The following ALDH16A1 variants were observed in gnomAD, a reference collection of about 807,000 sequenced individuals.
The protein encoded by ALDH16A1 is aldehyde dehydrogenase 16 family member A1, also known as aldehyde dehydrogenase family 16 member A1.
Under a neutral mutation model 96.1 loss-of-function variants are expected in ALDH16A1, and 88 were observed. The observed-to-expected ratio is 0.92, with a 90% CI of 0.77 to 1.09. The LOEUF is 1.09. ALDH16A1 is among the 50% of genes least tolerant of loss of function. The pLI is 0.00. For missense variants in ALDH16A1, 1,250 were observed against 1,112.6 expected (o/e 1.12, Z -1.76); for synonymous variants, 522 against 496.4 (o/e 1.05, Z -0.69).
Position 49,463,896 on chromosome 19 carries a change from C to T in ALDH16A1, c.1141C>T (p.Pro381Ser). Residue 381 changes from proline (P) to serine (S), a missense_variant, in exon 9 of 17, where the codon CCC becomes TCC. Coordinates refer to ENST00000293350, the MANE Select transcript of ALDH16A1 (RefSeq NM_153329.4). ...GDVPSERPFY[P>S]PTLVSNLPPA... is the part of the protein sequence containing the mutation. ...TGTGCCTTCGGAACGCCCATTCTAT[C>T]CCCCAACCTTGGTCTCCAACCTGCC... 2.5e-6 allele frequency: 4 copies of T among 1,613,458 alleles called. No individual in the cohort carries two copies. Among genetic ancestry groups the T allele is most frequent in the Non-Finnish European group, 3.4e-6 (4 of 1,179,600 alleles).
Position 49,459,177 on chromosome 19 carries a change from C to A in ALDH16A1, c.320+91C>A. The A allele has an allele frequency of 6.6e-7, 1 of 1,521,964 alleles. No individual in the cohort carries two copies. The allele number at this position is 1,521,964 out of a possible 1,614,324, so 94.3% of individuals were successfully genotyped here. On this transcript the variant is annotated intron_variant, in intron 3 of 16. Transcript: ENST00000293350. This position sits in a 1 kb window ranked among gnomAD's most constrained non-coding sequence, Gnocchi z 4.1. ...ACAAAGGCTATTTCCCAAGATCCCA[C>A]TGAATTAATTTGCAGCTAAGGCTCA...
chr19:49,459,744 G>C lies in ALDH16A1; in HGVS notation c.395G>C (p.Arg132Pro). ...TCCCTGGTGACTGGGCGGGCTGTTCGAGAGGTTCGAGACGGGGACGTCCAG... is the reference window on the plus strand; with the variant it reads ...TCCCTGGTGACTGGGCGGGCTGTTCCAGAGGTTCGAGACGGGGACGTCCAG... ...LESLVTGRAV[R>P]EVRDGDVQLA... The change falls in exon 4 of 17, where the codon CGA becomes CCA. Residue 132 changes from arginine to proline, a missense_variant. Transcript: ENST00000293350. This position sits in a 1 kb window ranked among gnomAD's most constrained non-coding sequence, Gnocchi z 4.1. 1.2e-6 allele frequency: 2 copies of C among 1,613,740 alleles called. No homozygotes were observed. The highest frequency in any genetic ancestry group is 1.1e-5 in the South Asian group (1 of 91,072).
rs756559773 is a variant in ALDH16A1 at position 49,459,746 on chromosome 19, G to A, written c.397G>A (p.Glu133Lys). 19 of 1,613,682 alleles carry A rather than the reference G, an allele frequency of 1.2e-5. No individual in the cohort carries two copies. The highest frequency in any genetic ancestry group is 1.6e-5 in the Non-Finnish European group (19 of 1,179,954). Residue 133 changes from glutamate to lysine, a missense_variant, in exon 4 of 17, where the codon GAG becomes AAG. Physicochemically the swap from Glu to Lys is moderately conservative, Grantham distance 56 (BLOSUM62 1). Transcript: ENST00000293350. The surrounding 1 kb of genome is among the most constrained non-coding windows in gnomAD (Gnocchi z 4.1). ...CCTGGTGACTGGGCGGGCTGTTCGAGAGGTTCGAGACGGGGACGTCCAGCT... is the reference window on the plus strand; with the variant it reads ...CCTGGTGACTGGGCGGGCTGTTCGAAAGGTTCGAGACGGGGACGTCCAGCT... ...ESLVTGRAVR[E>K]VRDGDVQLAQ...
chr19:49,464,519 A>C lies in ALDH16A1; in HGVS notation c.1434A>C (p.Pro478=). Residue 478 remains proline (P), a synonymous_variant, in exon 11 of 17, where the codon CCA becomes CCC. Transcript: ENST00000293350. ...GTGGGTGTTCCTGGCACGGGGGCCC[A>C]GACGTGAGTACATCCCCTCCCCGTC... ...KESGCSWHGG[P]DGLYEYLRPS... The C allele has an allele frequency of 6.2e-7, 1 of 1,613,820 alleles. No homozygotes were observed. The highest frequency in any genetic ancestry group is 8.5e-7 in the Non-Finnish European group (1 of 1,179,926).
Position 49,468,781 on chromosome 19 carries a change from C to G in ALDH16A1, c.2125-83C>G, listed in dbSNP as rs2079221032. On this transcript the variant is annotated intron_variant, in intron 15 of 16. Transcript: ENST00000293350. This position sits in a 1 kb window ranked among gnomAD's most constrained non-coding sequence, Gnocchi z 4.4. ...CTCCTCCATGACCCCCCATCCCCTT[C>G]CCTCCCATGGGCACCCCCTGAATGC... The G allele has an allele frequency of 6.7e-7, 1 of 1,501,710 alleles. No homozygotes were observed. The highest frequency in any genetic ancestry group is 1.4e-5 in the African/African-American group (1 of 72,600). 93.0% of individuals were successfully genotyped at this position (1,501,710 alleles called of 1,614,324 possible).
intron 1 of ALDH16A1, among the ~76,000 whole-genome samples, chr19:49,457,391 C>CA (rs1244108789): frequency 6.6e-6 from 1 of 150,696 alleles, no homozygotes; most frequent in Admixed American, 6.6e-5. Flanking sequence ...ACTAAAAATA[C>CA]AAAAAAATTA....
rs2079237252 is a variant in ALDH16A1 at position 49,470,530 on chromosome 19, C to G, written c.*63C>G. Reference sequence around the variant, plus strand: ...ACCAAGGGGAGATGCACCCCACAGACACCTGGGACTTTCCCCTTCTGGTTC... The same window carrying G: ...ACCAAGGGGAGATGCACCCCACAGAGACCTGGGACTTTCCCCTTCTGGTTC... On this transcript the variant is annotated 3_prime_UTR_variant, in exon 17 of 17. Transcript: ENST00000293350. The G allele has an allele frequency of 7.0e-7, 1 of 1,418,912 alleles. No homozygotes were observed. Among genetic ancestry groups the G allele is most frequent in the Non-Finnish European group, 9.2e-7 (1 of 1,082,706 alleles). The allele number at this position is 1,418,912 out of a possible 1,614,324, so 87.9% of individuals were successfully genotyped here.
rs748594854 is a variant in ALDH16A1 at position 49,460,887 on chromosome 19, G to T, written c.565G>T (p.Ala189Ser). The T allele has an allele frequency of 6.2e-7, 1 of 1,613,500 alleles. No individual in the cohort carries two copies. The highest frequency in any genetic ancestry group is 1.1e-5 in the South Asian group (1 of 91,056). ...TGAGATGATGTGGAGGATTTGCCCTGCCCTGGCTGTGGGTAAATGATGGCC... is the reference window on the plus strand; with the variant it reads ...TGAGATGATGTGGAGGATTTGCCCTTCCCTGGCTGTGGGTAAATGATGGCC... ...FLEMMWRICP[A>S]LAVGCTVVAL... Residue 189 changes from alanine (A) to serine (S), a missense_variant, in exon 5 of 17, where the codon GCC (alanine) becomes TCC (serine). Physicochemically the swap from Ala to Ser is moderately conservative, Grantham distance 99 (BLOSUM62 1). Coordinates refer to ENST00000293350, the MANE Select transcript of ALDH16A1 (RefSeq NM_153329.4).
rs767612604 is a variant in ALDH16A1, at chr19:49,462,668, T to C, written c.1011T>C (p.Asp337=). The C allele has an allele frequency of 1.2e-6, 2 of 1,610,984 alleles. No individual in the cohort carries two copies. Among genetic ancestry groups the C allele is most frequent in the South Asian group, 2.2e-5 (2 of 90,928 alleles). ...MGRLRSGRGL[D]GAVDMGARGA... is the part of the protein sequence containing the mutation. ...GGCTTCGGAGTGGCCGAGGGCTGGATGGGGCCGTGGACATGGGGGCCCGGG... is the reference window on the plus strand; with the variant it reads ...GGCTTCGGAGTGGCCGAGGGCTGGACGGGGCCGTGGACATGGGGGCCCGGG... The change falls in exon 8 of 17, where the codon GAT becomes GAC. Residue 337 remains aspartate (D), a synonymous_variant. Coordinates refer to ENST00000293350, the MANE Select transcript of ALDH16A1 (RefSeq NM_153329.4).
Position 49,461,663 on chromosome 19 carries a change from C to G in ALDH16A1, c.622C>G (p.Leu208Val), listed in dbSNP as rs1167854225. Residue 208 changes from leucine (L) to valine (V), a missense_variant, in exon 6 of 17, where the codon CTC (leucine) becomes GTC (valine). Physicochemically the swap from Leu to Val is conservative, Grantham distance 32 (BLOSUM62 1). Transcript: ENST00000293350. Reference protein sequence around the residue: ...ALVPPASPAPLLLAQLAGELG... With the variant: ...ALVPPASPAPVLLAQLAGELG... ...CGTGCCCCCGGCCTCCCCGGCGCCC[C>G]TCCTCCTGGCCCAGCTGGCGGGGGA... The G allele has an allele frequency of 6.2e-7, 1 of 1,606,546 alleles. No homozygotes were observed. Among genetic ancestry groups the G allele is most frequent in the South Asian group, 1.1e-5 (1 of 90,162 alleles).
Position 49,458,524 on chromosome 19 carries a change from T to C in ALDH16A1, c.129T>C (p.Tyr43=), listed in dbSNP as rs1020219265. 12 of 1,567,506 alleles carry C rather than the reference T, an allele frequency of 7.7e-6. No homozygotes were observed. Among genetic ancestry groups the C allele is most frequent in the East Asian group, 7.0e-5 (3 of 43,038 alleles). The change falls in exon 2 of 17, where the codon TAT becomes TAC. Residue 43 remains tyrosine (Y), a synonymous_variant. Coordinates refer to ENST00000293350, the MANE Select transcript of ALDH16A1 (RefSeq NM_153329.4). Reference sequence around the variant, plus strand: ...CCCAGGACCGGTGCTTGGGCCACTATGTGAATGGGAAGTGGTTAAAGCCTG... The same window carrying C: ...CCCAGGACCGGTGCTTGGGCCACTACGTGAATGGGAAGTGGTTAAAGCCTG... ...LDTQDRCLGH[Y]VNGKWLKPEH...
At chr19:49,456,559 C>G (rs2079105743) in intron 1 of ALDH16A1, among the ~76,000 whole-genome samples, 1 of 152,080 alleles carries the variant, frequency 6.6e-6, no homozygotes, top group African/African-American at 2.4e-5. Context: ...AAATTTTTTA[C>G]TTTTATTTTT....
Position 49,464,665 on chromosome 19 carries a change from C to T in ALDH16A1, c.1471C>T (p.Pro491Ser). The T allele has an allele frequency of 1.2e-6, 2 of 1,614,200 alleles. No homozygotes were observed. The highest frequency in any genetic ancestry group is 1.3e-5 in the African/African-American group (1 of 75,050). The change falls in exon 12 of 17, where the codon CCT (proline) becomes TCT (serine). Residue 491 changes from proline to serine, a missense_variant. Physicochemically the swap from Pro to Ser is moderately conservative, Grantham distance 74. Transcript: ENST00000293350. ...TGAGTATCTGCGGCCCTCAGGGACCCCTGCCCGGCTGTCCTGCCTCTCCAA... is the reference window on the plus strand; with the variant it reads ...TGAGTATCTGCGGCCCTCAGGGACCTCTGCCCGGCTGTCCTGCCTCTCCAA... ...LYEYLRPSGT[P>S]ARLSCLSKNL...
intron 6 of ALDH16A1, 36 bp downstream of exon 6, chr19:49,461,836 T>G (rs1488579667): frequency 5.0e-6 from 8 of 1,601,930 alleles, no homozygotes; most frequent in Non-Finnish European, 6.8e-6. Flanking sequence ...GGAACGCGGC[T>G]GGGGGCCGCA....
At position 49,469,156 on chromosome 19, in the gene ALDH16A1, G is replaced by A. The variant is rs982567896; in HGVS notation, c.2247+170G>A. The A allele has an allele frequency of 4.9e-5, 48 of 975,446 alleles. No individual in the cohort carries two copies. The African/African-American group carries it at 6.8e-4, about 14-fold the overall frequency. The allele number at this position is 975,446 out of a possible 1,614,324, so 60.4% of individuals were successfully genotyped here. The stretch of plus-strand genomic sequence containing the variant: ...TAGGACTCAAGTTACTAAGGAAGAG[G>A]CTGTCCTTAGCAACAGGGGCCTGAG... On this transcript the variant is annotated intron_variant, in intron 16 of 16. Coordinates refer to ENST00000293350, the MANE Select transcript of ALDH16A1 (RefSeq NM_153329.4).
chr19:49,470,437 CAA>C lies in ALDH16A1; in HGVS notation c.2380_2381del (p.Lys794GlyfsTer44), dbSNP rs763052136. 2 of 1,603,268 alleles carry C rather than the reference CAA, an allele frequency of 1.2e-6. No individual in the cohort carries two copies. Among genetic ancestry groups the C allele is most frequent in the Non-Finnish European group, 1.7e-6 (2 of 1,175,670 alleles). ...AGCTGGGGCTGCGAGTGGCGCGGAC[CAA>C]GGCCCTGTGGCTGCCTATGGGGGAC... ...PELGLRVART[K>X]ALWLPMGD On this transcript the variant is annotated frameshift_variant, in exon 17 of 17. Transcript: ENST00000293350. LOFTEE classifies it high-confidence loss of function.
At chr19:49,454,958 A>T (rs1190574134) in intron 1 of ALDH16A1, among the ~76,000 whole-genome samples, 1 of 151,776 alleles carries the variant, frequency 6.6e-6, no homozygotes, top group Non-Finnish European at 1.5e-5. Flanking sequence ...ATCTCTACTA[A>T]AATACAAAAA....
chr19:49,468,685 C>G lies in ALDH16A1; in HGVS notation c.2124+119C>G. ...ACCCTCCGTGGTACCCATGCTGCCC[C>G]CAGCCCCAGCACCCAAACCTTCACT... On this transcript the variant is annotated intron_variant, in intron 15 of 16. Coordinates refer to ENST00000293350, the MANE Select transcript of ALDH16A1 (RefSeq NM_153329.4). The surrounding 1 kb of genome is among the most constrained non-coding windows in gnomAD (Gnocchi z 4.4). The G allele has an allele frequency of 7.1e-7, 1 of 1,404,016 alleles. No individual in the cohort carries two copies. The highest frequency in any genetic ancestry group is 9.6e-7 in the Non-Finnish European group (1 of 1,037,156). The allele number at this position is 1,404,016 out of a possible 1,614,324, so 87.0% of individuals were successfully genotyped here.
chr19:49,468,404 G>C lies in ALDH16A1; in HGVS notation c.1962G>C (p.Val654=), dbSNP rs1319091297. The part of the protein sequence containing the change: ...TLQVAGLRGP[V]LRLREPLGVL... ...AGGTAGCCGGGCTGAGAGGCCCTGT[G>C]CTGCGCCTGCGGGAGCCGCTGGGTG... Residue 654 remains valine (V), a synonymous_variant, in exon 15 of 17, where the codon GTG becomes GTC. Coordinates refer to ENST00000293350, the MANE Select transcript of ALDH16A1 (RefSeq NM_153329.4). The surrounding 1 kb of genome is among the most constrained non-coding windows in gnomAD (Gnocchi z 4.4). 1.9e-6 allele frequency: 3 copies of C among 1,599,860 alleles called. No homozygotes were observed. Among genetic ancestry groups the C allele is most frequent in the Non-Finnish European group, 2.5e-6 (3 of 1,179,772 alleles).
Sources: gnomAD v4.1 joint callset for allele counts (sites outside exome capture counted in the v4.1 genomes callset) on GRCh38, gnomAD v4.1.1 for gene constraint, Gnocchi (gnomAD v3.1) non-coding constraint, MANE v1.5 for transcripts, NCBI Gene and HGNC (gene_info 2026-07-23, HGNC 2026-07-21) for gene names.